RBL1: variants seen among roughly 807,000 people sequenced by gnomAD.
RBL1 encodes the protein retinoblastoma-like protein 1.
In RBL1, 82 loss-of-function variants were observed where a neutral mutation model predicts 123.0. That is an observed-to-expected ratio of 0.67 (90% CI 0.56 to 0.80). The LOEUF (loss-of-function observed/expected upper bound fraction) is 0.80, where lower values mean the gene tolerates loss of function less well. Among genes scored for constraint, RBL1 ranks in the 30% least tolerant of loss-of-function variants. The pLI, the probability that RBL1 is intolerant of heterozygous loss-of-function variation, is 0.00. For synonymous variants in RBL1, 405 were observed against 441.3 expected (o/e 0.92, Z 1.03); for missense variants, 1,171 against 1,299.6 (o/e 0.90, Z 1.52).
intron 19 of RBL1, among the ~76,000 whole-genome samples, chr20:37,009,608 C>A (rs948435675): frequency 6.6e-6 from 1 of 152,008 alleles, no homozygotes; most frequent in African/African-American, 2.4e-5. Context: ...GATCCTCCCA[C>A]CTTGGCCTCT....
At chr20:37,068,748 T>C (rs1373317791) in intron 2 of RBL1, among the ~76,000 whole-genome samples, 2 of 149,950 alleles carry the variant, frequency 1.3e-5, no homozygotes, top group African/African-American at 2.5e-5. Context: ...AAAATTAGTT[T>C]GAGATCACCT....
intron 2 of RBL1, among the ~76,000 whole-genome samples, chr20:37,075,468 T>G (rs191787972): frequency 7.5e-4 from 114 of 152,298 alleles, no homozygotes; most frequent in Admixed American, 1.7e-3. Context: ...CACTTTTTTT[T>G]TTGTTGAGAT....
chr20:37,044,015 T>C (rs2064774703), intron 13 of RBL1, 71 bp downstream of exon 13: 4 of 1,305,088 alleles, frequency 3.1e-6, no homozygotes, highest in Non-Finnish European at 4.2e-6. Flanking sequence ...GTATAGGAAT[T>C]ATCTCTCAAT....
intron 19 of RBL1, among the ~76,000 whole-genome samples, chr20:37,015,661 A>G (rs950427369): frequency 6.6e-6 from 1 of 152,024 alleles, no homozygotes; most frequent in Non-Finnish European, 1.5e-5. Context: ...GGATCTCCTG[A>G]CCTCATGATC....
At chr20:37,068,984 G>A (rs868863762) in intron 2 of RBL1, among the ~76,000 whole-genome samples, 15 of 152,276 alleles carry the variant, frequency 9.9e-5, no homozygotes, top group South Asian at 6.2e-4. Context: ...GAGTGCCTGC[G>A]ATTGCAGGCT....
intron 2 of RBL1, among the ~76,000 whole-genome samples, chr20:37,082,648 A>G (rs1178321215): frequency 2.6e-5 from 4 of 152,224 alleles, no homozygotes; most frequent in South Asian, 2.1e-4. Flanking sequence ...TATTCCCTAA[A>G]GTATACAGTG....
chr20:37,020,713 TCTTTCTTCTTTTG>T lies in RBL1; in HGVS notation c.2564_2576del (p.Thr855LysfsTer7). The T allele has an allele frequency of 6.3e-7, 1 of 1,583,758 alleles. No homozygotes were observed. The highest frequency in any genetic ancestry group is 8.6e-7 in the Non-Finnish European group (1 of 1,161,204). ...AACTTTTCATAATTTCTTGAAAAGT[TCTTTCTTCTTTTG>T]TTACCTAAGGAAAATAAAAACCGCA... On this transcript the variant is annotated frameshift_variant, in exon 18 of 22. Coordinates refer to ENST00000373664, the MANE Select transcript of RBL1 (RefSeq NM_002895.5). LOFTEE classifies it high-confidence loss of function.
At chr20:37,075,571 T>A (rs1245464761) in intron 2 of RBL1, among the ~76,000 whole-genome samples, 2 of 152,256 alleles carry the variant, frequency 1.3e-5, no homozygotes, top group South Asian at 4.1e-4. Flanking sequence ...TTCTCCTCCC[T>A]CAGCCTCCTG....
rs750148088 is a variant in RBL1, at chr20:36,998,872, C to T, written c.3094G>A (p.Val1032Ile). 1 of 1,613,604 alleles carries T rather than the reference C, an allele frequency of 6.2e-7. No individual in the cohort carries two copies. The highest frequency in any genetic ancestry group is 1.1e-5 in the South Asian group (1 of 91,062). Residue 1032 changes from valine to isoleucine, a missense_variant, in exon 22 of 22, where the codon GTA becomes ATA. Physicochemically the swap from Val to Ile is conservative, Grantham distance 29. Coordinates refer to ENST00000373664, the MANE Select transcript of RBL1 (RefSeq NM_002895.5). ...RQGEQRTKKR[V>I]IAIDSDAESP... ...TCTGCATCACTATCGATGGCTATTA[C>T]TCGCTTCTTGGTTCTCTGCTCACCT... is the stretch of plus-strand genomic sequence containing the variant.
Position 37,020,735 on chromosome 20 carries a change from G to T in RBL1, c.2560-5C>A, listed in dbSNP as rs369090250. On this transcript the variant is annotated splice_region_variant and splice_polypyrimidine_tract_variant and intron_variant, in intron 17 of 21. Coordinates refer to ENST00000373664, the MANE Select transcript of RBL1 (RefSeq NM_002895.5). ...AGTTCTTTCTTCTTTTGTTACCTAA[G>T]GAAAATAAAAACCGCATTTATCAAC... is the stretch of plus-strand genomic sequence containing the variant. 9.7e-6 allele frequency: 15 copies of T among 1,549,194 alleles called. No homozygotes were observed. Among genetic ancestry groups the T allele is most frequent in the Non-Finnish European group, 1.3e-5 (15 of 1,140,720 alleles).
chr20:37,061,388 C>A, intron 8 of RBL1, 119 bp from the exon 9 acceptor site: 1 of 1,352,558 alleles, frequency 7.4e-7, no homozygotes, highest in Non-Finnish European at 9.7e-7. Context: ...AAATTTTTAG[C>A]AATACTATGC....
chr20:37,068,639 C>T (rs1043712295), intron 2 of RBL1, among the ~76,000 whole-genome samples: 8 of 151,966 alleles, frequency 5.3e-5, no homozygotes, highest in African/African-American at 7.3e-5. Flanking sequence ...ATGGAGGGAG[C>T]GAGAGCACCT....
intron 2 of RBL1, among the ~76,000 whole-genome samples, chr20:37,071,910 G>A (rs1179769296): frequency 1.3e-5 from 2 of 152,148 alleles, no homozygotes; most frequent in African/African-American, 2.4e-5. Context: ...AGGAGCAGAT[G>A]CCAGCCCCAT....
intron 19 of RBL1, among the ~76,000 whole-genome samples, chr20:37,017,365 C>G (rs1459635624): frequency 6.6e-6 from 1 of 150,382 alleles, no homozygotes; most frequent in African/African-American, 2.5e-5. Context: ...AGAACAAAAC[C>G]CTATCTCAAA....
chr20:37,094,959 T>G (rs1009751397), intron 1 of RBL1, among the ~76,000 whole-genome samples: 1 of 152,154 alleles, frequency 6.6e-6, no homozygotes, highest in African/African-American at 2.4e-5. Context: ...ATTAGAATAA[T>G]CCTAGGCAAG....
chr20:37,022,622 C>T, intron 17 of RBL1, 28 bp downstream of exon 17: 2 of 1,576,798 alleles, frequency 1.3e-6, no homozygotes, highest in Non-Finnish European at 8.6e-7. Context: ...CCACCATGCC[C>T]AGCCTCTTCT....
chr20:37,046,360 G>A (rs1600524280), intron 12 of RBL1, among the ~76,000 whole-genome samples: 1 of 152,130 alleles, frequency 6.6e-6, no homozygotes, highest in Non-Finnish European at 1.5e-5. Flanking sequence ...AACTGAAGCT[G>A]TAAGATTGAC....
chr20:37,062,276 A>G lies in RBL1; in HGVS notation c.897-6T>C, dbSNP rs755403490. 7 of 1,613,256 alleles carry G rather than the reference A, an allele frequency of 4.3e-6. No homozygotes were observed. In the South Asian group the frequency reaches 6.6e-5, roughly 15 times the overall value. On this transcript the variant is annotated splice_region_variant and splice_polypyrimidine_tract_variant and intron_variant, in intron 7 of 21. Coordinates refer to ENST00000373664, the MANE Select transcript of RBL1 (RefSeq NM_002895.5). ...ACTCCTTATTCACTGCTTTGCTGCA[A>G]AGAGAATTATTATAAGCTGTAATAC...
intron 11 of RBL1, among the ~76,000 whole-genome samples, chr20:37,048,715 A>G (rs769667555): frequency 2.0e-5 from 3 of 152,046 alleles, no homozygotes; most frequent in Admixed American, 6.6e-5. Flanking sequence ...TAAGTGGACC[A>G]CTAAGAATTA....
Sources: gnomAD v4.1 joint callset for allele counts (sites outside exome capture counted in the v4.1 genomes callset) on GRCh38, gnomAD v4.1.1 for gene constraint, MANE v1.5 for transcripts, NCBI Gene and HGNC (gene_info 2026-07-23, HGNC 2026-07-21) for gene names.